The following EML4 variants were observed in gnomAD, a reference collection of about 807,000 sequenced individuals.
The protein encoded by EML4 is echinoderm microtubule-associated protein-like 4.
In EML4, 72 loss-of-function variants were observed where a neutral mutation model predicts 129.0. That is an observed-to-expected ratio of 0.56 (90% CI 0.46 to 0.68). The LOEUF is 0.68. Among genes scored for constraint, EML4 ranks in the 30% least tolerant of loss-of-function variants. EML4 has a pLI of 0.00. For synonymous variants in EML4, 532 were observed against 405.0 expected (o/e 1.31, Z -3.77); for missense variants, 1,363 against 1,190.6 (o/e 1.14, Z -2.13).
intron 1 of EML4, among the ~76,000 whole-genome samples, chr2:42,190,896 T>C (rs1027113071): frequency 2.0e-5 from 3 of 152,230 alleles, no homozygotes; most frequent in Non-Finnish European, 4.4e-5. Context: ...TACTCATTTT[T>C]TTCCCCAAAC....
intron 1 of EML4, among the ~76,000 whole-genome samples, chr2:42,213,893 C>A (rs1461596439): frequency 6.6e-6 from 1 of 152,064 alleles, no homozygotes; most frequent in Non-Finnish European, 1.5e-5. Context: ...ATTTAAGTTT[C>A]TTTTATGCAG....
At position 42,330,175 on chromosome 2, in the gene EML4, G is replaced by A. The variant is rs1234334077; in HGVS notation, c.2914G>A (p.Glu972Lys). 1 of 1,612,372 alleles carries A rather than the reference G, an allele frequency of 6.2e-7. No homozygotes were observed. ...SKEQAKATLL[E>K]DQQDPSPSS The stretch of plus-strand genomic sequence containing the variant: ...GGAGCAGGCCAAAGCCACCCTTCTG[G>A]AGGACCAGCAAGACCCTTCGCCCTC... Residue 972 changes from glutamate to lysine, a missense_variant, in exon 23 of 23, where the codon GAG becomes AAG. Transcript: ENST00000318522.
chr2:42,236,520 A>G (rs900232423), intron 1 of EML4, among the ~76,000 whole-genome samples: 4 of 152,232 alleles, frequency 2.6e-5, no homozygotes, highest in Non-Finnish European at 5.9e-5. Context: ...AGCCACACCC[A>G]TTCATATACA....
At chr2:42,223,514 G>A (rs187676378) in intron 1 of EML4, among the ~76,000 whole-genome samples, 1 of 152,196 alleles carries the variant, frequency 6.6e-6, no homozygotes, top group African/African-American at 2.4e-5. Flanking sequence ...TTTTTTAAGA[G>A]CTCTTAAATG....
intron 4 of EML4, among the ~76,000 whole-genome samples, chr2:42,261,742 C>T (rs910587060): frequency 1.3e-5 from 2 of 152,158 alleles, no homozygotes; most frequent in Non-Finnish European, 2.9e-5. Flanking sequence ...TTCACTGTGG[C>T]TGCATCTCAG....
At chr2:42,204,227 C>G (rs1672407352) in intron 1 of EML4, among the ~76,000 whole-genome samples, 1 of 152,180 alleles carries the variant, frequency 6.6e-6, no homozygotes, top group South Asian at 2.1e-4. Context: ...GCCTATCTTT[C>G]TTTAAAAAAA....
chr2:42,178,777 G>A (rs1670764899), intron 1 of EML4, among the ~76,000 whole-genome samples: 1 of 152,188 alleles, frequency 6.6e-6, no homozygotes, highest in Non-Finnish European at 1.5e-5. Flanking sequence ...TCCCTGATTG[G>A]TACACTCAAA....
chr2:42,178,648 C>CA (rs1244391193), intron 1 of EML4, among the ~76,000 whole-genome samples: 1 of 152,024 alleles, frequency 6.6e-6, no homozygotes, highest in Non-Finnish European at 1.5e-5. Flanking sequence ...ACAACAACTG[C>CA]AAAAAAGAGG....
intron 1 of EML4, among the ~76,000 whole-genome samples, chr2:42,196,205 TTAA>T (rs1671886956): frequency 6.6e-6 from 1 of 152,178 alleles, no homozygotes. Flanking sequence ...CATTCAGTCA[TTAA>T]TGAGTGAATT....
intron 1 of EML4, among the ~76,000 whole-genome samples, chr2:42,177,734 G>T (rs761120680): frequency 1.3e-5 from 2 of 152,206 alleles, no homozygotes; most frequent in Admixed American, 6.5e-5. Flanking sequence ...TTCTGTGCCA[G>T]ATTCTAGGGT....
At chr2:42,289,808 C>G (rs1472726080) in intron 11 of EML4, 1 of 150,642 alleles carries the variant, frequency 6.6e-6, no homozygotes, top group Non-Finnish European at 1.5e-5. Context: ...TCACTCACAC[C>G]TGTAATCTCA....
chr2:42,229,528 TAACTG>T (rs1474327363), intron 1 of EML4, among the ~76,000 whole-genome samples: 1 of 152,068 alleles, frequency 6.6e-6, no homozygotes, highest in African/African-American at 2.4e-5. Flanking sequence ...GCAAGACAGA[TAACTG>T]TCTTGCAAGA....
At chr2:42,286,980 G>GT (rs1230518848) in intron 10 of EML4, among the ~76,000 whole-genome samples, 4 of 151,982 alleles carry the variant, frequency 2.6e-5, no homozygotes, top group Non-Finnish European at 5.9e-5. Context: ...AAACATTCTG[G>GT]TTTTTTCTTG....
chr2:42,243,720 G>C (rs1342949078), intron 1 of EML4, among the ~76,000 whole-genome samples: 1 of 152,188 alleles, frequency 6.6e-6, no homozygotes, highest in Non-Finnish European at 1.5e-5. Flanking sequence ...TGTATGCATG[G>C]GAGGTCTGGT....
intron 19 of EML4, among the ~76,000 whole-genome samples, chr2:42,321,573 G>C (rs1056075140): frequency 5.9e-5 from 9 of 152,036 alleles, no homozygotes; most frequent in Admixed American, 5.2e-4. Context: ...GAAGGGATTA[G>C]AGCAAGTGAC....
At chr2:42,240,911 C>T (rs539121960) in intron 1 of EML4, among the ~76,000 whole-genome samples, 2 of 152,114 alleles carry the variant, frequency 1.3e-5, no homozygotes, top group South Asian at 2.1e-4. Context: ...GAGGCCAAGG[C>T]AGGCAGATAG....
At position 42,331,525 on chromosome 2, in the gene EML4, T is replaced by C. The variant is rs1354735361; in HGVS notation, c.*1318T>C. 2 of 223,878 alleles carry C rather than the reference T, an allele frequency of 8.9e-6. No homozygotes were observed. The highest frequency in any genetic ancestry group is 4.5e-5 in the African/African-American group (2 of 44,838). 13.9% of individuals were successfully genotyped at this position (223,878 alleles called of 1,614,324 possible). A position where few individuals can be genotyped will look rare whatever the true frequency, so the allele number is the denominator to read the frequency against. ...ATACTTTGATTATAAAAAAGTATTT[T>C]GTTTTGATTTTTTAACTTGCTGCAT... On this transcript the variant is annotated 3_prime_UTR_variant, in exon 23 of 23. Transcript: ENST00000318522.
At chr2:42,265,010 T>C (rs1463821445) in intron 6 of EML4, 5 of 1,474,768 alleles carry the variant, frequency 3.4e-6, no homozygotes, top group Non-Finnish European at 4.6e-6. Flanking sequence ...GGATCTCTTA[T>C]TTGGCTTTTT....
intron 1 of EML4, among the ~76,000 whole-genome samples, chr2:42,197,650 T>C (rs910892600): frequency 2.0e-5 from 3 of 151,996 alleles, no homozygotes; most frequent in African/African-American, 7.3e-5. Context: ...CTGTGAAATA[T>C]ATATTGGTAG....
Sources: gnomAD v4.1 joint callset for allele counts (sites outside exome capture counted in the v4.1 genomes callset) on GRCh38, gnomAD v4.1.1 for gene constraint, MANE v1.5 for transcripts, NCBI Gene and HGNC (gene_info 2026-07-23, HGNC 2026-07-21) for gene names.